Variants in NLGN4Y observed in about 807,000 individuals in gnomAD.
NLGN4Y encodes the protein neuroligin-4, Y-linked.
NLGN4Y carries 4 observed loss-of-function variants against 8.4 expected under a neutral mutation model. The observed-to-expected ratio is 0.48, with a 90% CI of 0.23 to 1.09. The LOEUF is 1.09. Ranked by LOEUF, NLGN4Y falls within the 50% of genes least tolerant of loss-of-function variation. The probability of loss-of-function intolerance (pLI) is 0.19; values close to 1 mark genes in which losing one functional copy is unlikely to be tolerated. For missense variants in NLGN4Y, 90 were observed against 192.3 expected, an observed-to-expected ratio of 0.47 and a Z score of 3.15; for synonymous variants, 35 against 75.6, an observed-to-expected ratio of 0.46 and a Z score of 2.78.
chrY:14,628,374 C>A (rs1019798276), intron 2 of NLGN4Y, among the ~76,000 whole-genome samples: 1 of 33,806 alleles, frequency 3.0e-5, no homozygotes, highest in Non-Finnish European at 7.3e-5. Context: ...TGATTGAAGA[C>A]CTATTCGGTG....
intron 1 of NLGN4Y, among the ~76,000 whole-genome samples, chrY:14,581,386 G>A: frequency 6.2e-5 from 2 of 32,149 alleles, no homozygotes; most frequent in Non-Finnish European, 1.5e-4. Context: ...ACCCCTAAAA[G>A]GTAAAAGAAA....
intron 5 of NLGN4Y, 31 bp from the exon 6 acceptor site, chrY:14,829,699 C>A: frequency 2.5e-6 from 1 of 396,599 alleles, no homozygotes. Context: ...TGCAGGTTTT[C>A]ATTTGCATGT....
At chrY:14,536,537 G>A (rs2080135538) in intron 1 of NLGN4Y, among the ~76,000 whole-genome samples, 1 of 32,450 alleles carries the variant, frequency 3.1e-5, no homozygotes, top group Non-Finnish European at 7.5e-5. Context: ...GTGAGCCACC[G>A]CACCCAGCCG....
chrY:14,827,462 C>T (rs748671341), intron 5 of NLGN4Y, among the ~76,000 whole-genome samples: 1 of 33,524 alleles, frequency 3.0e-5, no homozygotes, highest in African/African-American at 1.2e-4. Flanking sequence ...TGCTTCTAAA[C>T]AGCCCATCAG....
chrY:14,783,407 T>A, intron 4 of NLGN4Y, among the ~76,000 whole-genome samples: 2 of 33,260 alleles, frequency 6.0e-5, no homozygotes, highest in Non-Finnish European at 1.5e-4. Flanking sequence ...CGTGAGATTT[T>A]AACTAGGTTT....
At chrY:14,808,563 T>C in intron 4 of NLGN4Y, among the ~76,000 whole-genome samples, 1 of 34,380 alleles carries the variant, frequency 2.9e-5, no homozygotes, top group African/African-American at 1.1e-4. Flanking sequence ...AGAAATTCAT[T>C]GAATGCCATT....
chrY:14,551,349 C>T (rs2080192107), intron 1 of NLGN4Y, among the ~76,000 whole-genome samples: 1 of 33,131 alleles, frequency 3.0e-5, no homozygotes, highest in Non-Finnish European at 7.4e-5. Context: ...GAGATTTTAA[C>T]ATCCCACTGT....
intron 1 of NLGN4Y, among the ~76,000 whole-genome samples, chrY:14,608,153 T>A: frequency 3.0e-5 from 1 of 33,513 alleles, no homozygotes; most frequent in African/African-American, 1.2e-4. Context: ...GCAAAAACTT[T>A]CTCCCATTGC....
intron 2 of NLGN4Y, among the ~76,000 whole-genome samples, chrY:14,624,791 A>G (rs1009591456): frequency 1.5e-4 from 5 of 32,984 alleles, no homozygotes; most frequent in African/African-American, 2.4e-4. Context: ...TTGTTCATTC[A>G]CTAAGTGAAT....
intron 2 of NLGN4Y, among the ~76,000 whole-genome samples, chrY:14,643,893 A>G: frequency 3.0e-5 from 1 of 33,591 alleles, no homozygotes; most frequent in Non-Finnish European, 7.3e-5. Flanking sequence ...ATTCTGCAAA[A>G]AGCAAAGGAG....
At chrY:14,562,117 G>T in intron 1 of NLGN4Y, among the ~76,000 whole-genome samples, 1 of 33,314 alleles carries the variant, frequency 3.0e-5, no homozygotes, top group Non-Finnish European at 7.4e-5. Flanking sequence ...CATTGCTTGT[G>T]GGGTTTTGGA....
chrY:14,785,477 C>T, intron 4 of NLGN4Y, among the ~76,000 whole-genome samples: 1 of 34,022 alleles, frequency 2.9e-5, no homozygotes, highest in Non-Finnish European at 7.3e-5. Context: ...TTTGAGAAGT[C>T]AGTTAAGTCC....
At chrY:14,567,322 G>A in intron 1 of NLGN4Y, among the ~76,000 whole-genome samples, 1 of 25,803 alleles carries the variant, frequency 3.9e-5, no homozygotes, top group East Asian at 1.0e-3. Context: ...CACTGCCTCC[G>A]GGTTCAAGCA....
intron 2 of NLGN4Y, among the ~76,000 whole-genome samples, chrY:14,630,777 T>C (rs761043130): frequency 3.0e-5 from 1 of 33,542 alleles, no homozygotes; most frequent in African/African-American, 1.2e-4. Context: ...TCCTCAAGAA[T>C]GTCGAGGAGA....
At chrY:14,819,419 A>C (rs868226642) in intron 4 of NLGN4Y, among the ~76,000 whole-genome samples, 1 of 33,675 alleles carries the variant, frequency 3.0e-5, no homozygotes, top group African/African-American at 1.2e-4. Context: ...TAGGACATCT[A>C]TATACCTATT....
At chrY:14,742,012 T>C (rs2081007614) in intron 4 of NLGN4Y, among the ~76,000 whole-genome samples, 1 of 33,887 alleles carries the variant, frequency 3.0e-5, no homozygotes, top group Non-Finnish European at 7.4e-5. Flanking sequence ...AAAGCAACTA[T>C]AGAGGATGAG....
intron 1 of NLGN4Y, among the ~76,000 whole-genome samples, chrY:14,611,256 T>C (rs2080466809): frequency 3.0e-5 from 1 of 33,039 alleles, no homozygotes; most frequent in Non-Finnish European, 7.4e-5. Flanking sequence ...TTTGATCCTG[T>C]CATTATGATG....
intron 4 of NLGN4Y, among the ~76,000 whole-genome samples, chrY:14,761,813 T>G: frequency 3.0e-5 from 1 of 33,624 alleles, no homozygotes; most frequent in East Asian, 7.8e-4. Context: ...ATAGATACAG[T>G]TTTTACCAAT....
chrY:14,802,233 C>T, intron 4 of NLGN4Y, among the ~76,000 whole-genome samples: 1 of 32,704 alleles, frequency 3.1e-5, no homozygotes, highest in African/African-American at 1.2e-4. Flanking sequence ...AGCTCTCTCT[C>T]TCTCTCTCTT....
Sources: allele counts gnomAD v4.1 joint callset (sites outside exome capture counted in the v4.1 genomes callset), GRCh38; gene constraint gnomAD v4.1.1; transcripts MANE v1.5; gene names NCBI Gene and HGNC (gene_info 2026-07-23, HGNC 2026-07-21).